The following RAP1GAP variants were observed in gnomAD, a reference collection of about 807,000 sequenced individuals.
The protein encoded by RAP1GAP is rap1 GTPase-activating protein 1.
In RAP1GAP, 35 loss-of-function variants were observed where a neutral mutation model predicts 87.2. The ratio of observed to expected loss-of-function variants is 0.40; its 90% CI spans 0.31 to 0.53. The LOEUF (loss-of-function observed/expected upper bound fraction) is 0.53. Among genes scored for constraint, RAP1GAP ranks in the 20% least tolerant of loss-of-function variants. The pLI is 0.48. For missense variants in RAP1GAP, 734 were observed against 898.9 expected, an observed-to-expected ratio of 0.82 and a Z score of 2.35; for synonymous variants, 375 against 363.9, an observed-to-expected ratio of 1.03 and a Z score of -0.35.
chr1:21,655,323 T>C (rs141920397), intron 1 of RAP1GAP, among the ~76,000 whole-genome samples: 277 of 152,316 alleles, frequency 1.8e-3, no homozygotes, highest in African/African-American at 6.3e-3. Flanking sequence ...TGCGGTGCCA[T>C]GCAGCTATGG....
chr1:21,649,622 G>A (rs1274311694), intron 2 of RAP1GAP, 139 bp downstream of exon 2: 2 of 988,838 alleles, frequency 2.0e-6, no homozygotes, highest in East Asian at 2.6e-5. Context: ...AAGAGGGTCT[G>A]CCCACCCCCT....
At position 21,597,985 on chromosome 1, in the gene RAP1GAP, T is replaced by G. The variant is rs749787323; in HGVS notation, c.1959A>C (p.Ala653=). ...CCAGCTGGGGCATGTGCTGCTCAGATGCTTCCAGCTGGATCTTGATCTCGG... is the reference window on the plus strand; with the variant it reads ...CCAGCTGGGGCATGTGCTGCTCAGAGGCTTCCAGCTGGATCTTGATCTCGG... ...ACPEIKIQLE[A]SEQHMPQLGC is the part of the protein sequence containing the mutation. The change falls in exon 23 of 25, where the codon GCA becomes GCC. Residue 653 remains alanine (A), a synonymous_variant. Coordinates refer to ENST00000374765, the MANE Select transcript of RAP1GAP (RefSeq NM_002885.4). 1 of 1,575,660 alleles carries G rather than the reference T, an allele frequency of 6.3e-7. No homozygotes were observed. Among genetic ancestry groups the G allele is most frequent in the South Asian group, 1.2e-5 (1 of 86,196 alleles).
At position 21,603,845 on chromosome 1, in the gene RAP1GAP, G is replaced by A. The variant is rs780001314; in HGVS notation, c.1429-932C>T. 3 of 1,608,894 alleles carry A rather than the reference G, an allele frequency of 1.9e-6. No homozygotes were observed. The highest frequency in any genetic ancestry group is 1.6e-4 in the Middle Eastern group (1 of 6,078). On this transcript the variant is annotated intron_variant, in intron 18 of 24. Transcript: ENST00000374765. This position sits in a 1 kb window ranked among gnomAD's most constrained non-coding sequence, Gnocchi z 6.0. ...CCCGCGGACGACAACCTCTTCCACG[G>A]TTCCTATGCCTATGGCACTGCCCCG... is the stretch of plus-strand genomic sequence containing the variant.
intron 6 of RAP1GAP, 133 bp downstream of exon 6, chr1:21,617,801 T>C: frequency 7.6e-7 from 1 of 1,312,752 alleles, no homozygotes; most frequent in Non-Finnish European, 1.1e-6. Flanking sequence ...GCCTTGGGCC[T>C]GCAAATTAAG....
chr1:21,640,683 A>G (rs981723881), intron 2 of RAP1GAP, among the ~76,000 whole-genome samples: 2 of 151,516 alleles, frequency 1.3e-5, no homozygotes, highest in Non-Finnish European at 2.9e-5. Context: ...ACCCCCGACT[A>G]AAATAGGTCC....
At chr1:21,628,414 A>T (rs2092914058) in intron 2 of RAP1GAP, among the ~76,000 whole-genome samples, 1 of 107,284 alleles carries the variant, frequency 9.3e-6, no homozygotes. Context: ...AAAAAAAAAA[A>T]AAAAAAAAAA....
chr1:21,602,653 C>T (rs1455027668), intron 19 of RAP1GAP, 151 bp downstream of exon 19: 2 of 656,688 alleles, frequency 3.0e-6, no homozygotes, highest in Non-Finnish European at 5.0e-6. Context: ...TGGTGCCCGA[C>T]ACGCAGCAGG....
chr1:21,597,905 C>T, intron 23 of RAP1GAP, 56 bp downstream of exon 23: 1 of 1,521,818 alleles, frequency 6.6e-7, no homozygotes, highest in Non-Finnish European at 8.9e-7. Context: ...TCCCCGCCAG[C>T]TCATCCCCTC....
At chr1:21,648,020 G>A (rs893970498) in intron 2 of RAP1GAP, among the ~76,000 whole-genome samples, 2 of 152,190 alleles carry the variant, frequency 1.3e-5, no homozygotes, top group African/African-American at 4.8e-5. Flanking sequence ...TGGTCAAAAT[G>A]GCCACCACTG....
At chr1:21,654,763 T>C (rs2096790332) in intron 1 of RAP1GAP, among the ~76,000 whole-genome samples, 1 of 151,920 alleles carries the variant, frequency 6.6e-6, no homozygotes, top group African/African-American at 2.4e-5. Flanking sequence ...GCCTGGGAGG[T>C]TGAGGCTGCA....
At chr1:21,657,136 TC>T (rs1403883737) in intron 1 of RAP1GAP, among the ~76,000 whole-genome samples, 2 of 152,186 alleles carry the variant, frequency 1.3e-5, no homozygotes, top group African/African-American at 4.8e-5. Flanking sequence ...CAAAGAGTCA[TC>T]TAACTCATGC....
At chr1:21,610,093 C>T in intron 14 of RAP1GAP, 27 bp downstream of exon 14, 1 of 1,610,354 alleles carries the variant, frequency 6.2e-7, no homozygotes, top group Non-Finnish European at 8.5e-7. Context: ...CTTGCTGATG[C>T]CCCTGGGAGG....
chr1:21,616,435 G>C (rs1327647521), intron 7 of RAP1GAP, among the ~76,000 whole-genome samples: 2 of 152,202 alleles, frequency 1.3e-5, no homozygotes, highest in Non-Finnish European at 2.9e-5. Flanking sequence ...AGCTTTGCGT[G>C]TACTTTTATT....
In RAP1GAP at chr1:21,606,212, G is replaced by T; in HGVS notation, c.1297-15C>A. 6.4e-7 allele frequency: 1 copy of T among 1,571,338 alleles called. No homozygotes were observed. On this transcript the variant is annotated splice_polypyrimidine_tract_variant and intron_variant, in intron 17 of 24. Transcript: ENST00000374765. The stretch of plus-strand genomic sequence containing the variant: ...CGGATGACCCGCTGTGAAGGGGGTG[G>T]CAGTGGAGGAGGCACAGGATTCCTA...
intron 2 of RAP1GAP, among the ~76,000 whole-genome samples, chr1:21,647,381 T>C (rs995885194): frequency 6.6e-6 from 1 of 152,124 alleles, no homozygotes; most frequent in African/African-American, 2.4e-5. Flanking sequence ...AGAGATTCAC[T>C]TGAACCCAGG....
chr1:21,603,969 G>C lies in RAP1GAP; in HGVS notation c.1429-1056C>G. The C allele has an allele frequency of 7.5e-7, 1 of 1,327,314 alleles. No homozygotes were observed. Among genetic ancestry groups the C allele is most frequent in the Admixed American group, 2.3e-5 (1 of 42,920 alleles). 82.2% of individuals were successfully genotyped at this position (1,327,314 alleles called of 1,614,324 possible). On this transcript the variant is annotated intron_variant, in intron 18 of 24. Transcript: ENST00000374765. The surrounding 1 kb of genome is among the most constrained non-coding windows in gnomAD (Gnocchi z 6.0). ...AGAGAGACAGAGAGAGAGTCAGAGA[G>C]CAAGAGAGATGGTGGGAGGGAGACA...
chr1:21,652,434 G>T (rs1481529165), intron 1 of RAP1GAP, among the ~76,000 whole-genome samples: 1 of 152,136 alleles, frequency 6.6e-6, no homozygotes, highest in African/African-American at 2.4e-5. Flanking sequence ...AGTTCCGCAG[G>T]GGGACAGCGT....
chr1:21,603,762 C>T lies in RAP1GAP; in HGVS notation c.1429-849G>A, dbSNP rs1263129937. The T allele has an allele frequency of 1.3e-6, 2 of 1,502,422 alleles. No homozygotes were observed. Among genetic ancestry groups the T allele is most frequent in the South Asian group, 2.3e-5 (2 of 88,704 alleles). 93.1% of individuals were successfully genotyped at this position (1,502,422 alleles called of 1,614,324 possible). On this transcript the variant is annotated intron_variant, in intron 18 of 24. Coordinates refer to ENST00000374765, the MANE Select transcript of RAP1GAP (RefSeq NM_002885.4). This position sits in a 1 kb window ranked among gnomAD's most constrained non-coding sequence, Gnocchi z 6.0. Reference sequence around the variant, plus strand: ...AGAGGGGCAACGTCCCCAATATGGCCTCCGTCCTGAGAGCGAGCAGAGAAC... The same window carrying T: ...AGAGGGGCAACGTCCCCAATATGGCTTCCGTCCTGAGAGCGAGCAGAGAAC...
intron 11 of RAP1GAP, 93 bp downstream of exon 11, chr1:21,611,933 G>A: frequency 1.3e-6 from 2 of 1,482,862 alleles, no homozygotes; most frequent in South Asian, 1.2e-5. Context: ...CTGGGCTCCT[G>A]AGTCCCTTGG....
Sources: allele counts gnomAD v4.1 joint callset (sites outside exome capture counted in the v4.1 genomes callset), GRCh38; gene constraint gnomAD v4.1.1; non-coding constraint Gnocchi (gnomAD v3.1); transcripts MANE v1.5; gene names NCBI Gene and HGNC (gene_info 2026-07-23, HGNC 2026-07-21).